The following LEO1 variants were observed in gnomAD, a reference collection of about 807,000 sequenced individuals.
LEO1 encodes LEO1 component of Paf1/RNA polymerase II complex.
A neutral mutation model predicts 80.4 loss-of-function variants in LEO1; 34 were observed. That is an observed-to-expected ratio of 0.42 (90% CI 0.32 to 0.56). The LOEUF is 0.56. Ranked by LOEUF, LEO1 falls within the 20% of genes least tolerant of loss-of-function variation. The pLI, the probability that LEO1 is intolerant of heterozygous loss-of-function variation, is 0.10. For missense variants in LEO1, 631 were observed against 814.2 expected, an observed-to-expected ratio of 0.77 and a Z score of 2.74; for synonymous variants, 262 against 274.9, an observed-to-expected ratio of 0.95 and a Z score of 0.46.
rs1362390550 is a variant in LEO1, at chr15:51,947,340, T to G, written c.1848A>C (p.Glu616Asp). Reference protein sequence around the residue: ...YSSDSDEGSEEDKAQRLLKAK... With the variant: ...YSSDSDEGSEDDKAQRLLKAK... ...CTTTGAGTAATCTTTGAGCTTTATC[T>G]TCTTCTGATCCCTCATCACTGTCTG... is the stretch of plus-strand genomic sequence containing the variant. The change falls in exon 11 of 12, where the codon GAA becomes GAC. Residue 616 changes from glutamate (E) to aspartate (D), a missense_variant. Physicochemically the swap from Glu to Asp is conservative, Grantham distance 45 (BLOSUM62 2). Around this residue, in one of 4 missense-constraint regions of LEO1, gnomAD observed 117 missense variants for 163.5 expected, o/e 0.72. Coordinates refer to ENST00000299601, the MANE Select transcript of LEO1 (RefSeq NM_138792.4). The G allele has an allele frequency of 6.2e-7, 1 of 1,613,926 alleles. No homozygotes were observed. Among genetic ancestry groups the G allele is most frequent in the Non-Finnish European group, 8.5e-7 (1 of 1,179,846 alleles).
chr15:51,966,784 G>T (rs1000045780), intron 1 of LEO1, among the ~76,000 whole-genome samples: 1 of 151,926 alleles, frequency 6.6e-6, no homozygotes, highest in African/African-American at 2.4e-5. Flanking sequence ...GGTTGCACAT[G>T]CCTGTAATCC....
intron 7 of LEO1, among the ~76,000 whole-genome samples, chr15:51,953,484 G>A (rs939434453): frequency 1.3e-5 from 2 of 152,210 alleles, no homozygotes; most frequent in African/African-American, 4.8e-5. Flanking sequence ...AGCTAGGCAT[G>A]GAGGCACACC....
intron 11 of LEO1, among the ~76,000 whole-genome samples, chr15:51,939,897 C>G (rs1288602900): frequency 1.3e-5 from 2 of 152,150 alleles, no homozygotes; most frequent in Non-Finnish European, 2.9e-5. Flanking sequence ...CCAAAGAAGT[C>G]TCACTGGCAC....
At chr15:51,962,092 G>A (rs916047698) in intron 3 of LEO1, among the ~76,000 whole-genome samples, 1 of 151,622 alleles carries the variant, frequency 6.6e-6, no homozygotes, top group African/African-American at 2.4e-5. Context: ...GAACCCAGGA[G>A]GCAGCAGTTG....
At chr15:51,939,634 A>C (rs947269068) in intron 11 of LEO1, among the ~76,000 whole-genome samples, 16 of 152,372 alleles carry the variant, frequency 1.1e-4, no homozygotes, top group African/African-American at 3.6e-4. Context: ...CGCCACAGGC[A>C]AAGAGCACAT....
chr15:51,965,963 C>G lies in LEO1; in HGVS notation c.600G>C (p.Glu200Asp), dbSNP rs373653843. 7.9e-5 allele frequency: 127 copies of G among 1,613,874 alleles called. No individual in the cohort carries two copies. The highest frequency in any genetic ancestry group is 3.0e-4 in the Admixed American group (18 of 59,980). ...DEERPQLSDD[E>D]RQQLSEEEKA... Reference sequence around the variant, plus strand: ...TTTCCTCCTCAGATAGCTGTTGTCTCTCATCATCGGAAAGCTGAGGCCTCT... The same window carrying G: ...TTTCCTCCTCAGATAGCTGTTGTCTGTCATCATCGGAAAGCTGAGGCCTCT... The change falls in exon 2 of 12, where the codon GAG becomes GAC. Residue 200 changes from glutamate to aspartate, a missense_variant. Physicochemically the swap from Glu to Asp is conservative, Grantham distance 45 (BLOSUM62 2). This residue lies in a region of LEO1 where 394 missense variants were observed against 395.6 expected (regional missense o/e 1.00). Transcript: ENST00000299601.
intron 3 of LEO1, 131 bp downstream of exon 3, chr15:51,962,258 C>T (rs2057036837): frequency 3.8e-6 from 2 of 533,150 alleles, no homozygotes; most frequent in Non-Finnish European, 6.5e-6. Context: ...TCTGAGTACA[C>T]TGAGCGTATC....
chr15:51,953,695 G>A (rs984000904), intron 7 of LEO1, among the ~76,000 whole-genome samples: 6 of 151,940 alleles, frequency 3.9e-5, no homozygotes, highest in Admixed American at 2.0e-4. Context: ...TGGAAGGAAC[G>A]AAAATAAGAA....
At chr15:51,941,028 G>C (rs139891022) in intron 11 of LEO1, among the ~76,000 whole-genome samples, 1 of 151,796 alleles carries the variant, frequency 6.6e-6, no homozygotes, top group South Asian at 2.1e-4. Context: ...AGCTGAGATC[G>C]CGGCGCTGCA....
intron 10 of LEO1, 90 bp from the exon 11 acceptor site, chr15:51,947,479 A>G: frequency 1.2e-6 from 1 of 859,378 alleles, no homozygotes; most frequent in Non-Finnish European, 1.9e-6. Context: ...GCAGTGGCAC[A>G]ATCATGGCTC....
At chr15:51,966,870 C>T (rs1194243658) in intron 1 of LEO1, among the ~76,000 whole-genome samples, 2 of 151,538 alleles carry the variant, frequency 1.3e-5, no homozygotes, top group African/African-American at 4.9e-5. Flanking sequence ...GAGATCAAGC[C>T]ACTGCACTCC....
At chr15:51,945,591 C>T (rs1176171689) in intron 11 of LEO1, among the ~76,000 whole-genome samples, 1 of 152,186 alleles carries the variant, frequency 6.6e-6, no homozygotes, top group Non-Finnish European at 1.5e-5. Flanking sequence ...TATCGTTTTC[C>T]TGCATAATTT....
intron 11 of LEO1, among the ~76,000 whole-genome samples, chr15:51,939,151 C>T (rs897220373): frequency 1.3e-5 from 2 of 152,166 alleles, no homozygotes; most frequent in South Asian, 4.1e-4. Flanking sequence ...CACCACTATA[C>T]TCCGGCCTGG....
chr15:51,957,665 C>G lies in LEO1; in HGVS notation c.1245+1077G>C, dbSNP rs75346298. Among the ~76,000 whole-genome samples, 570 of 152,252 alleles carry G rather than the reference C, an allele frequency of 3.7e-3. 21 individuals are homozygous for G. The East Asian group carries it at 0.074, about 20-fold the overall frequency. On this transcript the variant is annotated intron_variant, in intron 6 of 11. Coordinates refer to ENST00000299601, the MANE Select transcript of LEO1 (RefSeq NM_138792.4). ...AATATACCACATTGAAGAGATGGTA[C>G]TATTAAAAATATAAAAATTCAGTGC...
intron 11 of LEO1, among the ~76,000 whole-genome samples, chr15:51,942,921 CAA>C (rs546843495): frequency 1.4e-4 from 8 of 58,890 alleles, no homozygotes; most frequent in Non-Finnish European, 2.2e-4. Flanking sequence ...GACTTTGTCT[CAA>C]AAAAAAAAAA....
chr15:51,969,871 G>T (rs968389307), intron 1 of LEO1, among the ~76,000 whole-genome samples: 2 of 144,302 alleles, frequency 1.4e-5, no homozygotes, highest in Non-Finnish European at 3.0e-5. Context: ...AAGATGTTCA[G>T]CATCATTAGC....
chr15:51,962,392 T>A lies in LEO1; in HGVS notation c.916A>T (p.Lys306Ter). 1 of 1,599,318 alleles carries A rather than the reference T, an allele frequency of 6.3e-7. No homozygotes were observed. The highest frequency in any genetic ancestry group is 8.6e-7 in the Non-Finnish European group (1 of 1,168,048). Residue 306 changes from lysine (K) to a stop codon, truncating the protein, a stop_gained, in exon 3 of 12, where the codon AAA becomes TAA. Transcript: ENST00000299601. LOFTEE classifies it high-confidence loss of function. ...SEADSDTEVPKDNSGTMDLFG... is the reference protein window; with the variant it reads ...SEADSDTEVP ...ATATATATAATAATAGGGATACCTT[T>A]TGGCACCTCAGTGTCACTATCCGCT...
At chr15:51,962,667 C>A (rs2057040632) in intron 2 of LEO1, among the ~76,000 whole-genome samples, 174 bp from the exon 3 acceptor site, 1 of 152,112 alleles carries the variant, frequency 6.6e-6, no homozygotes, top group African/African-American at 2.4e-5. Flanking sequence ...ATGCTATATG[C>A]CAAGTTAAAG....
intron 2 of LEO1, among the ~76,000 whole-genome samples, chr15:51,964,498 A>G (rs1003166450): frequency 2.7e-5 from 4 of 150,642 alleles, no homozygotes; most frequent in Admixed American, 2.0e-4. Context: ...ATGTATACCT[A>G]TGTAACAAAC....
Sources: allele counts gnomAD v4.1 joint callset (sites outside exome capture counted in the v4.1 genomes callset), GRCh38; gene constraint gnomAD v4.1.1; regional missense constraint gnomAD v4.1.1; transcripts MANE v1.5; gene names NCBI Gene and HGNC (gene_info 2026-07-23, HGNC 2026-07-21).